The following SI variants were observed in gnomAD, a reference collection of about 807,000 sequenced individuals.
SI encodes sucrase-isomaltase, also known as sucrase-isomaltase, intestinal.
A neutral mutation model predicts 253.3 loss-of-function variants in SI; 235 were observed. The observed-to-expected ratio is 0.93, with a 90% CI of 0.83 to 1.03. SI has a LOEUF of 1.03. SI is among the 50% of genes least tolerant of loss of function. SI has a pLI of 0.00. For synonymous variants in SI, 819 were observed against 712.0 expected (o/e 1.15, Z -2.39); for missense variants, 2,442 against 2,211.1 (o/e 1.10, Z -2.09).
chr3:164,986,098 T>A (rs1286547515), intron 45 of SI, among the ~76,000 whole-genome samples: 1 of 152,120 alleles, frequency 6.6e-6, no homozygotes, highest in Non-Finnish European at 1.5e-5. Flanking sequence ...TTACTTGAGA[T>A]TGGTTTCTGG....
Position 165,059,893 on chromosome 3 carries a change from T to C in SI, c.1146+9A>G, listed in dbSNP as rs114930150. 2.1e-4 allele frequency: 336 copies of C among 1,610,402 alleles called. No individual in the cohort carries two copies. The African/African-American group carries it at 3.8e-3, about 18-fold the overall frequency. On this transcript the variant is annotated intron_variant, in intron 10 of 47. Transcript: ENST00000264382. ...ATATATATTCCCACGGACCCTTTAT[T>C]CTACTTACAAATGGTATGCCAGCTT... is the stretch of plus-strand genomic sequence containing the variant.
intron 16 of SI, among the ~76,000 whole-genome samples, chr3:165,046,235 T>C (rs1713105504): frequency 6.6e-6 from 1 of 152,140 alleles, no homozygotes; most frequent in South Asian, 2.1e-4. Flanking sequence ...AACAAATCAC[T>C]ATAGTTTTAT....
At chr3:164,988,953 T>G (rs936560209) in intron 44 of SI, among the ~76,000 whole-genome samples, 1 of 151,998 alleles carries the variant, frequency 6.6e-6, no homozygotes, top group African/African-American at 2.4e-5. Context: ...AAATCTGGGA[T>G]AGCCTTCATC....
chr3:165,043,521 T>G (rs1348385294), intron 16 of SI, among the ~76,000 whole-genome samples: 2 of 152,008 alleles, frequency 1.3e-5, no homozygotes, highest in Non-Finnish European at 2.9e-5. Flanking sequence ...CTCAACTTCT[T>G]TGATTTGATT....
At chr3:164,999,807 G>A (rs1385720660) in intron 37 of SI, among the ~76,000 whole-genome samples, 1 of 151,574 alleles carries the variant, frequency 6.6e-6, no homozygotes, top group Non-Finnish European at 1.5e-5. Flanking sequence ...AACTAAAAAT[G>A]TGTTAAACAG....
intron 3 of SI, 128 bp downstream of exon 3, chr3:165,074,402 AT>A (rs1714805161): frequency 3.8e-6 from 2 of 530,552 alleles, no homozygotes; most frequent in Non-Finnish European, 6.1e-6. Flanking sequence ...GGAAGCTATA[AT>A]AAAATGATAA....
chr3:165,032,702 A>G lies in SI; in HGVS notation c.2566-10T>C. The G allele has an allele frequency of 6.5e-7, 1 of 1,543,926 alleles. No individual in the cohort carries two copies. The highest frequency in any genetic ancestry group is 8.9e-7 in the Non-Finnish European group (1 of 1,120,052). On this transcript the variant is annotated splice_polypyrimidine_tract_variant and intron_variant, in intron 23 of 47. Coordinates refer to ENST00000264382, the MANE Select transcript of SI (RefSeq NM_001041.4). ...CAATATCTAATGTGTTCTGAGAAAA[A>G]TAGTATAAGATATTATATATTAGGT...
intron 2 of SI, among the ~76,000 whole-genome samples, chr3:165,075,625 C>A (rs1415028417): frequency 6.6e-6 from 1 of 151,934 alleles, no homozygotes; most frequent in African/African-American, 2.4e-5. Flanking sequence ...CTTACATTAA[C>A]GATTTGATCC....
At position 164,982,282 on chromosome 3, in the gene SI, A is replaced by G; in HGVS notation, c.5376T>C (p.Asn1792=). ...CTTCATTAAAAGGAAGCGAATTTTTATTTCCGTTATACGTTAGAGTAACTG... is the reference window on the plus strand; with the variant it reads ...CTTCATTAAAAGGAAGCGAATTTTTGTTTCCGTTATACGTTAGAGTAACTG... ...VNAVTLTYNG[N]KNSLPFNEDT... Residue 1792 remains asparagine (N), a synonymous_variant, in exon 47 of 48, where the codon AAT becomes AAC. Transcript: ENST00000264382. 1 of 1,613,000 alleles carries G rather than the reference A, an allele frequency of 6.2e-7. No individual in the cohort carries two copies. Among genetic ancestry groups the G allele is most frequent in the Non-Finnish European group, 8.5e-7 (1 of 1,179,442 alleles).
intron 37 of SI, among the ~76,000 whole-genome samples, chr3:165,004,289 A>T (rs1576879543): frequency 6.6e-6 from 1 of 152,280 alleles, no homozygotes; most frequent in South Asian, 2.1e-4. Context: ...TATCCAAAAG[A>T]CAGCCAGTAA....
At chr3:165,029,591 TATATATATAC>T (rs1236921124) in intron 25 of SI, among the ~76,000 whole-genome samples, 3 of 145,534 alleles carry the variant, frequency 2.1e-5, no homozygotes, top group Non-Finnish European at 4.6e-5. Context: ...CATATATATG[TATATATATAC>T]ATATATATGT....
In SI at chr3:165,039,812, A is replaced by T. The variant is rs112195352; in HGVS notation, c.2244+75T>A. ...GTCCACTGAGTAACATCTATTATTC[A>T]GATGTTTTGTAATGTAGGGTCGATT... On this transcript the variant is annotated intron_variant, in intron 19 of 47. Coordinates refer to ENST00000264382, the MANE Select transcript of SI (RefSeq NM_001041.4). 11 of 992,560 alleles carry T rather than the reference A, an allele frequency of 1.1e-5. No homozygotes were observed. The African/African-American group carries it at 1.3e-4, about 11-fold the overall frequency. The allele number at this position is 992,560 out of a possible 1,614,324, so 61.5% of individuals were successfully genotyped here. A position where few individuals can be genotyped will look rare whatever the true frequency, so the allele number is the denominator to read the frequency against.
At chr3:165,065,214 G>T in intron 7 of SI, 47 bp downstream of exon 7, 1 of 1,188,694 alleles carries the variant, frequency 8.4e-7, no homozygotes, top group Non-Finnish European at 1.2e-6. Context: ...ATTTTCATCT[G>T]CTGCAATATA....
At position 165,062,449 on chromosome 3, in the gene SI, A is replaced by G. The variant is rs771732788; in HGVS notation, c.942T>C (p.Tyr314=). 6 of 1,600,838 alleles carry G rather than the reference A, an allele frequency of 3.7e-6. No individual in the cohort carries two copies. The highest frequency in any genetic ancestry group is 1.7e-5 in the Admixed American group (1 of 59,810). The change falls in exon 9 of 48, where the codon TAT becomes TAC. Residue 314 remains tyrosine (Y), a synonymous_variant. Transcript: ENST00000264382. ...AATCCAGAATGCCACCGGTAACTCT[A>G]TATGTTACTATTGGAGTAGGCTGGA... is the stretch of plus-strand genomic sequence containing the variant. ...IFIQPTPIVT[Y]RVTGGILDFY...
At chr3:165,086,366 A>T in the SI span, among the ~76,000 whole-genome samples, 2 of 152,200 alleles carry the variant, frequency 1.3e-5, no homozygotes, top group African/African-American at 4.8e-5. Flanking sequence ...AGAAACATCT[A>T]ATGCTGTGCT....
In SI at chr3:165,019,690, T is replaced by G. The variant is rs1171801349; in HGVS notation, c.3335A>C (p.Tyr1112Ser). Residue 1112 changes from tyrosine (Y) to serine (S), a missense_variant, in exon 28 of 48, where the codon TAT (tyrosine) becomes TCT (serine). Tyr to Ser is a moderately radical substitution (Grantham distance 144). Coordinates refer to ENST00000264382, the MANE Select transcript of SI (RefSeq NM_001041.4). Reference protein sequence around the residue: ...ISTRLPSEYIYGFGEVEHTAF... With the variant: ...ISTRLPSEYISGFGEVEHTAF... ...TGTATGTTCCACTTCCCCAAAACCA[T>G]ATATATATTCTGATGGCAGGCGAGT... 2 of 1,611,576 alleles carry G rather than the reference T, an allele frequency of 1.2e-6. No individual in the cohort carries two copies. Among genetic ancestry groups the G allele is most frequent in the Non-Finnish European group, 1.7e-6 (2 of 1,178,266 alleles).
chr3:165,021,699 T>C, intron 26 of SI, among the ~76,000 whole-genome samples: 1 of 151,674 alleles, frequency 6.6e-6, no homozygotes, highest in East Asian at 1.9e-4. Context: ...AATTATTTCA[T>C]GGTTAAAAAC....
chr3:165,079,650 T>TA (rs930378353), upstream of SI, among the ~76,000 whole-genome samples: 3 of 151,632 alleles, frequency 2.0e-5, no homozygotes, highest in African/African-American at 7.3e-5. Context: ...TTTATATGTG[T>TA]AAAATCTCAC....
chr3:165,065,537 G>T (rs1485146213), intron 6 of SI, 105 bp from the exon 7 acceptor site: 10 of 215,592 alleles, frequency 4.6e-5, no homozygotes, highest in African/African-American at 2.5e-4. Context: ...TCATCCAGAA[G>T]ATTTCATTAT....
Sources: gnomAD v4.1 joint callset for allele counts (sites outside exome capture counted in the v4.1 genomes callset) on GRCh38, gnomAD v4.1.1 for gene constraint, MANE v1.5 for transcripts, NCBI Gene and HGNC (gene_info 2026-07-23, HGNC 2026-07-21) for gene names.